CSMD1: variants seen among roughly 807,000 people sequenced by gnomAD.
CSMD1 encodes CUB and sushi domain-containing protein 1.
CSMD1 carries 213 observed loss-of-function variants against 417.5 expected under a neutral mutation model. The ratio of observed to expected loss-of-function variants is 0.51; its 90% confidence interval spans 0.46 to 0.57. The LOEUF (loss-of-function observed/expected upper bound fraction) is 0.57, where lower values mean the gene tolerates loss of function less well. Among genes scored for constraint, CSMD1 ranks in the 20% least tolerant of loss-of-function variants. The pLI is 0.00. For synonymous variants in CSMD1, 2,862 were observed against 1,736.8 expected, an observed-to-expected ratio of 1.65 and a Z score of -16.11; for missense variants, 6,923 against 4,529.7, an observed-to-expected ratio of 1.53 and a Z score of -15.17.
intron 1 of CSMD1, among the ~76,000 whole-genome samples, chr8:4,653,056 C>T (rs932092054): frequency 3.3e-5 from 5 of 152,040 alleles, no homozygotes; most frequent in Non-Finnish European, 7.3e-5. Flanking sequence ...CAGTCCAGGG[C>T]TTGGGGACCC....
chr8:4,701,161 C>T (rs1015673766), intron 1 of CSMD1, among the ~76,000 whole-genome samples: 1 of 151,968 alleles, frequency 6.6e-6, no homozygotes, highest in Non-Finnish European at 1.5e-5. Flanking sequence ...GTGGGCTCCC[C>T]CACAGCTAGG....
intron 5 of CSMD1, among the ~76,000 whole-genome samples, chr8:3,909,054 C>T (rs958903707): frequency 1.3e-5 from 2 of 152,168 alleles, no homozygotes; most frequent in Non-Finnish European, 2.9e-5. Context: ...ATGCGGGGAG[C>T]AGCTGAGAAG....
chr8:3,157,158 G>C (rs920621927), intron 39 of CSMD1, among the ~76,000 whole-genome samples: 9 of 152,062 alleles, frequency 5.9e-5, no homozygotes, highest in African/African-American at 2.2e-4. Context: ...AGGTTGAATG[G>C]TTGCCTGAGC....
At chr8:4,943,923 C>A (rs1808197067) in intron 1 of CSMD1, among the ~76,000 whole-genome samples, 1 of 152,194 alleles carries the variant, frequency 6.6e-6, no homozygotes, top group South Asian at 2.1e-4. Context: ...GAGGGCCGAG[C>A]TGGATATTGA....
intron 5 of CSMD1, among the ~76,000 whole-genome samples, chr8:3,924,214 A>AT (rs1476582618): frequency 6.6e-6 from 1 of 152,092 alleles, no homozygotes; most frequent in Non-Finnish European, 1.5e-5. Flanking sequence ...ATATCGATCC[A>AT]TTTTTTCCTG....
chr8:3,758,195 C>G (rs1202694899), intron 5 of CSMD1, among the ~76,000 whole-genome samples: 2 of 152,110 alleles, frequency 1.3e-5, no homozygotes, highest in African/African-American at 4.8e-5. Context: ...AACTCCTGAC[C>G]TCAGGTGATC....
In CSMD1 at chr8:4,039,678, G is replaced by A. The variant is rs546291967; in HGVS notation, c.416-7579C>T. ...CAGAACTGGCTGAGAATAACTCAATGAGGAAGTGAGCTGTAAATATACTTG... is the reference window on the plus strand; with the variant it reads ...CAGAACTGGCTGAGAATAACTCAATAAGGAAGTGAGCTGTAAATATACTTG... On this transcript the variant is annotated intron_variant, in intron 3 of 69. Coordinates refer to ENST00000635120, the MANE Select transcript of CSMD1 (RefSeq NM_033225.6). Among the ~76,000 whole-genome samples, 20 of 152,284 alleles carry A rather than the reference G, an allele frequency of 1.3e-4. No individual in the cohort carries two copies. In the South Asian group the frequency reaches 1.9e-3, roughly 14 times the overall value.
At chr8:3,991,396 C>G (rs1396601679) in intron 5 of CSMD1, among the ~76,000 whole-genome samples, 1 of 152,158 alleles carries the variant, frequency 6.6e-6, no homozygotes, top group Non-Finnish European at 1.5e-5. Context: ...CATATATAAC[C>G]CTGTTTAGTC....
intron 3 of CSMD1, among the ~76,000 whole-genome samples, chr8:4,144,468 C>G (rs1158172793): frequency 2.0e-5 from 3 of 151,120 alleles, no homozygotes; most frequent in East Asian, 3.9e-4. Context: ...TGAGCATATC[C>G]CATTCTGCAA....
At chr8:3,712,826 T>C (rs545418057) in intron 6 of CSMD1, among the ~76,000 whole-genome samples, 2 of 152,260 alleles carry the variant, frequency 1.3e-5, no homozygotes, top group South Asian at 2.1e-4. Context: ...TTCAAATACA[T>C]TGTGGTCTAC....
At chr8:4,960,898 T>G (rs553329582) in intron 1 of CSMD1, among the ~76,000 whole-genome samples, 2 of 152,168 alleles carry the variant, frequency 1.3e-5, no homozygotes, top group Non-Finnish European at 2.9e-5. Flanking sequence ...ACTCCTGAAA[T>G]ACAACTATTT....
chr8:3,265,097 T>C (rs1354442769), intron 26 of CSMD1, among the ~76,000 whole-genome samples: 1 of 152,216 alleles, frequency 6.6e-6, no homozygotes, highest in African/African-American at 2.4e-5. Context: ...GCTGCTCTTG[T>C]AGCTGGCACC....
rs193233622 is a variant in CSMD1 at position 4,321,278 on chromosome 8, G to C, written c.415+98675C>G. 5.9e-5 allele frequency among the ~76,000 whole-genome samples: 9 copies of C among 152,192 alleles called. No individual in the cohort carries two copies. In the East Asian group the frequency reaches 1.5e-3, roughly 26 times the overall value. Reference sequence around the variant, plus strand: ...CCCACTGATCATCCTCGGTGTGTTGGTATGTTCAGAGCTGACCCAGTCTCT... The same window carrying C: ...CCCACTGATCATCCTCGGTGTGTTGCTATGTTCAGAGCTGACCCAGTCTCT... On this transcript the variant is annotated intron_variant, in intron 3 of 69. Coordinates refer to ENST00000635120, the MANE Select transcript of CSMD1 (RefSeq NM_033225.6).
intron 3 of CSMD1, among the ~76,000 whole-genome samples, chr8:4,300,328 G>A (rs1797911582): frequency 6.6e-6 from 1 of 152,076 alleles, no homozygotes; most frequent in Admixed American, 6.6e-5. Flanking sequence ...AAAGTTTGTG[G>A]AAAAATAATA....
intron 3 of CSMD1, among the ~76,000 whole-genome samples, chr8:4,418,290 T>A (rs1159928467): frequency 5.3e-5 from 8 of 152,152 alleles, no homozygotes. Flanking sequence ...TTCTAGAAAG[T>A]TTTTCAGTTG....
At chr8:3,744,625 T>A (rs745396801) in intron 6 of CSMD1, among the ~76,000 whole-genome samples, 5 of 152,206 alleles carry the variant, frequency 3.3e-5, no homozygotes, top group Admixed American at 3.3e-4. Flanking sequence ...GCAGTGTACA[T>A]TGTAATGCTT....
chr8:4,101,439 C>T (rs1427139151), intron 3 of CSMD1, among the ~76,000 whole-genome samples: 1 of 152,128 alleles, frequency 6.6e-6, no homozygotes, highest in African/African-American at 2.4e-5. Flanking sequence ...TGCACAGTTA[C>T]CCTTGTGCTC....
intron 1 of CSMD1, among the ~76,000 whole-genome samples, chr8:4,708,088 C>T (rs1808064296): frequency 6.6e-6 from 1 of 151,858 alleles, no homozygotes; most frequent in Non-Finnish European, 1.5e-5. Context: ...GGAGAACAGG[C>T]ATCTGCCAAT....
intron 26 of CSMD1, among the ~76,000 whole-genome samples, chr8:3,267,510 G>A (rs1801522317): frequency 6.6e-6 from 1 of 152,186 alleles, no homozygotes; most frequent in Non-Finnish European, 1.5e-5. Context: ...GAGCTCTCCG[G>A]AGTCCAGAGG....
Sources: allele counts gnomAD v4.1 joint callset (sites outside exome capture counted in the v4.1 genomes callset), GRCh38; gene constraint gnomAD v4.1.1; transcripts MANE v1.5; gene names NCBI Gene and HGNC (gene_info 2026-07-23, HGNC 2026-07-21).